Variants in MTUS2 observed in about 807,000 individuals in gnomAD.
MTUS2 encodes microtubule associated scaffold protein 2, also known as microtubule-associated tumor suppressor candidate 2.
MTUS2 carries 40 observed loss-of-function variants against 114.1 expected under a neutral mutation model. That is an observed-to-expected ratio of 0.35 (90% CI 0.27 to 0.46). MTUS2 has a LOEUF of 0.46. Among genes scored for constraint, MTUS2 ranks in the 20% least tolerant of loss-of-function variants. The pLI is 1.00. For synonymous variants in MTUS2, 688 were observed against 672.0 expected (o/e 1.02, Z -0.37); for missense variants, 1,679 against 1,705.4 (o/e 0.98, Z 0.27).
chr13:29,364,318 C>T (rs1036112979), intron 8 of MTUS2, among the ~76,000 whole-genome samples: 1 of 152,232 alleles, frequency 6.6e-6, no homozygotes, highest in Non-Finnish European at 1.5e-5. Flanking sequence ...GAAGGAAGAG[C>T]GTATTGGGAC....
Position 29,501,114 on chromosome 13 carries a change from C to T in MTUS2, c.3816C>T (p.Ile1272=). ...CTTTGTAGGCAGAAAAGAACATTAT[C>T]CTAGAAGAAAAGATCCAGGTTCTCC... is the stretch of plus-strand genomic sequence containing the variant. The part of the protein sequence containing the change: ...ELEKLAEKNI[I]LEEKIQVLQQ... Residue 1272 remains isoleucine (I), a synonymous_variant, in exon 15 of 16, where the codon ATC becomes ATT. Transcript: ENST00000612955. The T allele has an allele frequency of 6.2e-7, 1 of 1,614,072 alleles. No individual in the cohort carries two copies. Among genetic ancestry groups the T allele is most frequent in the Middle Eastern group, 1.6e-4 (1 of 6,062 alleles).
intron 2 of MTUS2, among the ~76,000 whole-genome samples, chr13:28,999,220 C>T (rs1404536595): frequency 6.6e-6 from 1 of 152,210 alleles, no homozygotes; most frequent in African/African-American, 2.4e-5. Flanking sequence ...TGGTGAACCG[C>T]AAATGCTGCT....
chr13:28,890,594 G>T (rs1878862304), intron 2 of MTUS2, among the ~76,000 whole-genome samples: 1 of 152,182 alleles, frequency 6.6e-6, no homozygotes, highest in African/African-American at 2.4e-5. Context: ...CTCACAGAAT[G>T]CTAGTCTTCT....
intron 5 of MTUS2, among the ~76,000 whole-genome samples, chr13:29,146,751 GT>G (rs1411999456): frequency 6.6e-6 from 1 of 152,154 alleles, no homozygotes; most frequent in Non-Finnish European, 1.5e-5. Flanking sequence ...TCTTGGTGAA[GT>G]TGAGTATATT....
At chr13:29,437,514 A>T (rs73444038) in intron 8 of MTUS2, among the ~76,000 whole-genome samples, 3 of 152,190 alleles carry the variant, frequency 2.0e-5, no homozygotes, top group African/African-American at 7.2e-5. Context: ...ATCTGGTCAT[A>T]TTATACTGCT....
chr13:29,286,694 C>A (rs901433475), intron 6 of MTUS2, among the ~76,000 whole-genome samples: 1 of 142,074 alleles, frequency 7.0e-6, no homozygotes, highest in Admixed American at 7.0e-5. Flanking sequence ...ATCTATCTAT[C>A]TATCTTACTT....
chr13:28,915,044 G>T (rs930113181), intron 2 of MTUS2, among the ~76,000 whole-genome samples: 5 of 151,676 alleles, frequency 3.3e-5, no homozygotes, highest in Admixed American at 6.6e-5. Flanking sequence ...ACTCTATCCA[G>T]CTTGCCATTC....
At chr13:29,312,342 AATATATG>A (rs1393772256) in intron 6 of MTUS2, among the ~76,000 whole-genome samples, 3 of 152,230 alleles carry the variant, frequency 2.0e-5, no homozygotes, top group Non-Finnish European at 4.4e-5. Context: ...CCAACCAATA[AATATATG>A]ATAAATGAAT....
intron 2 of MTUS2, among the ~76,000 whole-genome samples, chr13:28,927,721 C>T (rs1881397906): frequency 6.6e-6 from 1 of 152,042 alleles, no homozygotes; most frequent in African/African-American, 2.4e-5. Flanking sequence ...CAATGAAATC[C>T]CTATCAAAAT....
intron 5 of MTUS2, among the ~76,000 whole-genome samples, chr13:29,153,435 T>TC (rs1364959891): frequency 6.6e-6 from 1 of 152,212 alleles, no homozygotes; most frequent in Non-Finnish European, 1.5e-5. Context: ...TCTGCCTGTT[T>TC]CTCAGCATCC....
intron 2 of MTUS2, among the ~76,000 whole-genome samples, chr13:28,841,424 G>A (rs1875473210): frequency 6.6e-6 from 1 of 152,192 alleles, no homozygotes; most frequent in Non-Finnish European, 1.5e-5. Flanking sequence ...GTTGTGGGGT[G>A]GTGAGGATGG....
intron 2 of MTUS2, among the ~76,000 whole-genome samples, chr13:28,934,611 C>T (rs1345717486): frequency 1.3e-5 from 2 of 152,082 alleles, no homozygotes; most frequent in Non-Finnish European, 2.9e-5. Context: ...GCAACCTTCC[C>T]CTCCCGGGTT....
At chr13:29,366,885 G>A (rs1027130186) in intron 8 of MTUS2, among the ~76,000 whole-genome samples, 1 of 152,020 alleles carries the variant, frequency 6.6e-6, no homozygotes, top group African/African-American at 2.4e-5. Flanking sequence ...ACCTTCTTAT[G>A]TGGGCCTAAA....
intron 4 of MTUS2, among the ~76,000 whole-genome samples, chr13:29,057,295 A>G (rs1045298150): frequency 1.3e-5 from 2 of 152,092 alleles, no homozygotes; most frequent in South Asian, 2.1e-4. Flanking sequence ...AGAGTTTGGT[A>G]GATATATGTT....
At chr13:28,995,065 A>G (rs1214476852) in intron 2 of MTUS2, among the ~76,000 whole-genome samples, 1 of 152,156 alleles carries the variant, frequency 6.6e-6, no homozygotes, top group Non-Finnish European at 1.5e-5. Context: ...TCCATCTTGA[A>G]TTAATTTTTG....
intron 5 of MTUS2, among the ~76,000 whole-genome samples, chr13:29,146,292 G>A (rs1892431549): frequency 6.6e-6 from 1 of 152,156 alleles, no homozygotes; most frequent in Non-Finnish European, 1.5e-5. Context: ...GAGAATTTAG[G>A]TGTCTGGTTT....
intron 2 of MTUS2, among the ~76,000 whole-genome samples, chr13:28,948,497 G>A (rs2138163286): frequency 6.6e-6 from 1 of 152,252 alleles, no homozygotes; most frequent in Non-Finnish European, 1.5e-5. Flanking sequence ...GCAGATGGCA[G>A]GCACCTGCCT....
At chr13:29,036,428 A>G (rs1389058555) in intron 4 of MTUS2, among the ~76,000 whole-genome samples, 1 of 152,204 alleles carries the variant, frequency 6.6e-6, no homozygotes, top group African/African-American at 2.4e-5. Flanking sequence ...CCTCCTTACA[A>G]TTATGTGGTC....
At chr13:29,123,248 A>G (rs1891384928) in intron 5 of MTUS2, among the ~76,000 whole-genome samples, 1 of 151,962 alleles carries the variant, frequency 6.6e-6, no homozygotes, top group African/African-American at 2.4e-5. Context: ...TTTTCTGTTT[A>G]TAGTAGCTAC....
Sources: gnomAD v4.1 joint callset for allele counts (sites outside exome capture counted in the v4.1 genomes callset) on GRCh38, gnomAD v4.1.1 for gene constraint, MANE v1.5 for transcripts, NCBI Gene and HGNC (gene_info 2026-07-23, HGNC 2026-07-21) for gene names.